Variants in EYA4 observed in about 807,000 individuals in gnomAD.
EYA4 encodes the protein protein phosphatase EYA4.
A neutral mutation model predicts 87.9 loss-of-function variants in EYA4; 31 were observed. That is an observed-to-expected ratio of 0.35 (90% CI 0.27 to 0.48). EYA4 has a LOEUF of 0.48. EYA4 is among the 20% of genes least tolerant of loss of function. The pLI is 0.99. For missense variants in EYA4, 678 were observed against 761.4 expected (o/e 0.89, Z 1.29); for synonymous variants, 263 against 270.6 (o/e 0.97, Z 0.28).
chr6:133,425,303 A>T (rs1449591033), intron 3 of EYA4, among the ~76,000 whole-genome samples: 1 of 150,712 alleles, frequency 6.6e-6, no homozygotes, highest in East Asian at 2.0e-4. Context: ...GAACTTAGAC[A>T]TGTTTTGGCA....
chr6:133,343,643 T>C (rs1782981111), intron 2 of EYA4, among the ~76,000 whole-genome samples: 1 of 147,514 alleles, frequency 6.8e-6, no homozygotes, highest in South Asian at 2.2e-4. Flanking sequence ...GTCCTTACCT[T>C]GATAAGCTTA....
rs371311788 is a variant in EYA4 at position 133,489,621 on chromosome 6, T to TA, written c.1191+6517dup. Among the ~76,000 whole-genome samples the TA allele has an allele frequency of 9.2e-3, 1,340 of 145,376 alleles. 16 individuals carry two copies. The highest frequency in any genetic ancestry group is 0.044 in the East Asian group (222 of 5,032). On this transcript the variant is annotated intron_variant, in intron 13 of 19. Transcript: ENST00000355286. ...TGACATTTTTAAAGTGCTGAAGGATTAAAAAAAAAAACCATATTTACCCTA... is the reference window on the plus strand; with the variant it reads ...TGACATTTTTAAAGTGCTGAAGGATTAAAAAAAAAAAACCATATTTACCCTA...
chr6:133,292,821 A>AC (rs1372209040), intron 2 of EYA4, among the ~76,000 whole-genome samples: 1 of 152,096 alleles, frequency 6.6e-6, no homozygotes, highest in Non-Finnish European at 1.5e-5. Context: ...CTGAATGTCA[A>AC]CCCTTTGGCA....
intron 1 of EYA4, among the ~76,000 whole-genome samples, chr6:133,242,074 A>G (rs1040317568): frequency 3.3e-5 from 5 of 152,210 alleles, no homozygotes; most frequent in African/African-American, 1.2e-4. Context: ...AACGGAGTTC[A>G]TCCAGCAGTC....
chr6:133,444,901 A>G (rs565943496), intron 3 of EYA4, among the ~76,000 whole-genome samples: 4 of 152,220 alleles, frequency 2.6e-5, no homozygotes, highest in Non-Finnish European at 5.9e-5. Flanking sequence ...ACCTGACCAT[A>G]GTCAGCTTTT....
At chr6:133,281,956 T>G (rs1024351362) in intron 2 of EYA4, among the ~76,000 whole-genome samples, 4 of 152,208 alleles carry the variant, frequency 2.6e-5, no homozygotes, top group African/African-American at 4.8e-5. Flanking sequence ...GATTTCATTT[T>G]TTTTATGGCT....
intron 1 of EYA4, among the ~76,000 whole-genome samples, chr6:133,255,270 T>A (rs1297975506): frequency 1.3e-5 from 2 of 152,014 alleles, no homozygotes; most frequent in Non-Finnish European, 2.9e-5. Context: ...ACTTAAAAAA[T>A]ACAAATAAGT....
At chr6:133,460,962 G>C in intron 6 of EYA4, 152 bp from the exon 7 acceptor site, 1 of 691,266 alleles carries the variant, frequency 1.4e-6, no homozygotes, top group East Asian at 2.7e-5. Flanking sequence ...GTTTAATTAG[G>C]AGAAAGTGTT....
chr6:133,478,579 AG>A (rs1795943357), intron 11 of EYA4, among the ~76,000 whole-genome samples: 1 of 152,174 alleles, frequency 6.6e-6, no homozygotes, highest in African/African-American at 2.4e-5. Flanking sequence ...AAATTTTTAA[AG>A]AACAGTGCAT....
intron 18 of EYA4, among the ~76,000 whole-genome samples, chr6:133,524,759 T>C (rs1800482240): frequency 6.6e-6 from 1 of 152,194 alleles, no homozygotes; most frequent in South Asian, 2.1e-4. Context: ...AATACTCTGT[T>C]GGTGGAGAAA....
chr6:133,328,399 TG>T (rs1198902674), intron 2 of EYA4, among the ~76,000 whole-genome samples: 3 of 152,102 alleles, frequency 2.0e-5, no homozygotes. Context: ...CTCTTTATTG[TG>T]GGGGTTGATT....
intron 3 of EYA4, among the ~76,000 whole-genome samples, chr6:133,393,195 G>A (rs1391967967): frequency 6.6e-6 from 1 of 152,108 alleles, no homozygotes; most frequent in African/African-American, 2.4e-5. Context: ...AGAAGCTTTT[G>A]TGGTCCACTT....
At chr6:133,247,839 T>C (rs1774541291) in intron 1 of EYA4, 1 of 152,070 alleles carries the variant, frequency 6.6e-6, no homozygotes, top group Non-Finnish European at 1.5e-5. Flanking sequence ...TCTCTAAGTG[T>C]CTTCAATGTA....
intron 3 of EYA4, among the ~76,000 whole-genome samples, chr6:133,437,424 G>A (rs1791792874): frequency 6.6e-6 from 1 of 152,152 alleles, no homozygotes; most frequent in Non-Finnish European, 1.5e-5. Context: ...TTCTATCTGT[G>A]TAACCTTGGG....
intron 3 of EYA4, among the ~76,000 whole-genome samples, chr6:133,427,557 A>G (rs1790779528): frequency 6.6e-6 from 1 of 152,148 alleles, no homozygotes; most frequent in African/African-American, 2.4e-5. Context: ...CCTAAATTCC[A>G]TGATTGTTAA....
chr6:133,516,503 G>T (rs1206394818), intron 17 of EYA4, among the ~76,000 whole-genome samples: 1 of 151,358 alleles, frequency 6.6e-6, no homozygotes, highest in Non-Finnish European at 1.5e-5. Context: ...ACGAGGTCAG[G>T]AGATTGAGAC....
At chr6:133,417,279 A>T (rs1028678653) in intron 3 of EYA4, among the ~76,000 whole-genome samples, 3 of 152,146 alleles carry the variant, frequency 2.0e-5, no homozygotes, top group African/African-American at 7.2e-5. Flanking sequence ...TCATTGGGTC[A>T]CACTTTGGTT....
At chr6:133,525,300 CT>C (rs1225882523) in intron 19 of EYA4, 46 bp downstream of exon 19, 4 of 1,502,596 alleles carry the variant, frequency 2.7e-6, no homozygotes, top group East Asian at 2.3e-5. Flanking sequence ...TAATGCAAGC[CT>C]TTTTGTTTGC....
At chr6:133,417,903 G>A (rs891397252) in intron 3 of EYA4, among the ~76,000 whole-genome samples, 2 of 152,118 alleles carry the variant, frequency 1.3e-5, no homozygotes, top group Non-Finnish European at 2.9e-5. Context: ...CCCCAAGCAT[G>A]TAGGGTCTGA....
Sources: allele counts gnomAD v4.1 joint callset (sites outside exome capture counted in the v4.1 genomes callset), GRCh38; gene constraint gnomAD v4.1.1; transcripts MANE v1.5; gene names NCBI Gene and HGNC (gene_info 2026-07-23, HGNC 2026-07-21).